SIRPA: variants seen among roughly 807,000 people sequenced by gnomAD.
SIRPA encodes the protein signal regulatory protein alpha, also known as tyrosine-protein phosphatase non-receptor type substrate 1.
In SIRPA, 9 loss-of-function variants were observed where a neutral mutation model predicts 50.3. That is an observed-to-expected ratio of 0.18 (90% CI 0.11 to 0.31). The LOEUF is 0.31. Ranked by LOEUF, SIRPA falls within the 10% of genes least tolerant of loss-of-function variation. SIRPA has a pLI of 1.00. For missense variants in SIRPA, 474 were observed against 661.6 expected (o/e 0.72, Z 3.11); for synonymous variants, 265 against 284.1 (o/e 0.93, Z 0.68).
At chr20:1,931,437 G>T (rs913045903) in intron 6 of SIRPA, among the ~76,000 whole-genome samples, 1 of 152,128 alleles carries the variant, frequency 6.6e-6, no homozygotes, top group African/African-American at 2.4e-5. Flanking sequence ...CATGCTTCTT[G>T]CTGTCTATTT....
Position 1,924,886 on chromosome 20 carries a change from A to G in SIRPA, c.1201+9A>G. 4 of 1,603,748 alleles carry G rather than the reference A, an allele frequency of 2.5e-6. No individual in the cohort carries two copies. Among genetic ancestry groups the G allele is most frequent in the East Asian group, 2.2e-5 (1 of 44,800 alleles). On this transcript the variant is annotated intron_variant, in intron 5 of 7. Transcript: ENST00000358771. This position sits in a 1 kb window ranked among gnomAD's most constrained non-coding sequence, Gnocchi z 4.5. ...AATCAGACAGAAGAAAGGTGGGTGC[A>G]TTCCCCTCTTCCTCCCTAAGGGTTT...
At chr20:1,923,687 C>T (rs535034637) in intron 4 of SIRPA, among the ~76,000 whole-genome samples, 1 of 146,320 alleles carries the variant, frequency 6.8e-6, no homozygotes, top group South Asian at 2.2e-4. Context: ...TTGGGCAATG[C>T]CAGGTTTTCA....
At chr20:1,907,712 T>TC (rs1330523657) in intron 1 of SIRPA, among the ~76,000 whole-genome samples, 13 of 152,334 alleles carry the variant, frequency 8.5e-5, no homozygotes, top group African/African-American at 2.6e-4. Context: ...TAAGATAGTC[T>TC]CAAGGGCAAG....
rs369004802 is a variant in SIRPA at position 1,927,928 on chromosome 20, T to C, written c.1226+29T>C. Reference sequence around the variant, plus strand: ...AGTGCATCATTGGTCCAGACCCTCTTGCAGTTATTATTTGGTTATTTGACA... The same window carrying C: ...AGTGCATCATTGGTCCAGACCCTCTCGCAGTTATTATTTGGTTATTTGACA... On this transcript the variant is annotated intron_variant, in intron 6 of 7. Coordinates refer to ENST00000358771, the MANE Select transcript of SIRPA (RefSeq NM_001040023.2). This position sits in a 1 kb window ranked among gnomAD's most constrained non-coding sequence, Gnocchi z 6.5. The C allele has an allele frequency of 6.2e-7, 1 of 1,605,316 alleles. No individual in the cohort carries two copies. Among genetic ancestry groups the C allele is most frequent in the African/African-American group, 1.3e-5 (1 of 74,776 alleles).
At chr20:1,894,756 CTCCCCCGGGGCGCGCAG>C (rs1394989318), upstream of SIRPA, 1 of 148,118 alleles carries the variant, frequency 6.8e-6, no homozygotes, top group Non-Finnish European at 1.5e-5. The surrounding 1 kb of genome is among the most constrained non-coding windows in gnomAD (Gnocchi z 4.0). Context: ...CCCTCGCTCC[CTCCCCCGGGGCGCGCAG>C]GCGGGCGCTC....
chr20:1,919,533 G>C (rs1018739166), intron 2 of SIRPA, among the ~76,000 whole-genome samples: 1 of 152,192 alleles, frequency 6.6e-6, no homozygotes, highest in African/African-American at 2.4e-5. Flanking sequence ...AGGGGCCCCA[G>C]ACAAAGCCCT....
intron 1 of SIRPA, among the ~76,000 whole-genome samples, chr20:1,900,458 A>G (rs1275466586): frequency 6.6e-6 from 1 of 152,070 alleles, no homozygotes; most frequent in Non-Finnish European, 1.5e-5. Flanking sequence ...AGAGTGATTT[A>G]ATTGCCTGTT....
chr20:1,935,704 T>C (rs995584121), intron 7 of SIRPA, among the ~76,000 whole-genome samples: 1 of 152,228 alleles, frequency 6.6e-6, no homozygotes, highest in Non-Finnish European at 1.5e-5. Context: ...GAATGGGTCA[T>C]GGAAACCTCT....
intron 1 of SIRPA, 45 bp from the exon 2 acceptor site, chr20:1,915,054 G>T: frequency 7.2e-7 from 1 of 1,389,128 alleles, no homozygotes. Flanking sequence ...AAACACAGAG[G>T]ATCACGTAAG....
rs1343470978 is a variant in SIRPA, at chr20:1,915,096, C to T, written c.80-3C>T. The T allele has an allele frequency of 1.2e-6, 2 of 1,606,848 alleles. No individual in the cohort carries two copies. The highest frequency in any genetic ancestry group is 8.5e-7 in the Non-Finnish European group (1 of 1,174,512). On this transcript the variant is annotated splice_polypyrimidine_tract_variant and splice_region_variant and intron_variant, in intron 1 of 7. Transcript: ENST00000358771. ...AAAATGACTGCTTTGTGCTCCTTTC[C>T]AGGAGTGGCGGGTGAGGAGGAGCTG...
At position 1,934,827 on chromosome 20, in the gene SIRPA, G is replaced by A; in HGVS notation, c.1266+73G>A. Reference sequence around the variant, plus strand: ...TTGCTTCACATCAACCGGAATTGCAGATCTGGTTCTAAATTAAGACTCCTT... The same window carrying A: ...TTGCTTCACATCAACCGGAATTGCAAATCTGGTTCTAAATTAAGACTCCTT... On this transcript the variant is annotated intron_variant, in intron 7 of 7. Coordinates refer to ENST00000358771, the MANE Select transcript of SIRPA (RefSeq NM_001040023.2). The surrounding 1 kb of genome is among the most constrained non-coding windows in gnomAD (Gnocchi z 4.6). 1 of 1,520,978 alleles carries A rather than the reference G, an allele frequency of 6.6e-7. No homozygotes were observed. The highest frequency in any genetic ancestry group is 1.7e-5 in the Admixed American group (1 of 59,740). 94.2% of individuals were successfully genotyped at this position (1,520,978 alleles called of 1,614,324 possible).
intron 1 of SIRPA, among the ~76,000 whole-genome samples, chr20:1,900,764 T>G (rs1193469581): frequency 6.6e-6 from 1 of 152,234 alleles, no homozygotes; most frequent in Admixed American, 6.5e-5. Flanking sequence ...GCCAGAAATC[T>G]GACAGGATCC....
At position 1,915,141 on chromosome 20, in the gene SIRPA, A is replaced by G. The variant is rs748264325; in HGVS notation, c.122A>G (p.Lys41Arg). 7 of 1,559,306 alleles carry G rather than the reference A, an allele frequency of 4.5e-6. No individual in the cohort carries two copies. The Admixed American group carries it at 7.0e-5, about 16-fold the overall frequency. ...GAGCTGCAGGTGATTCAGCCTGACA[A>G]GTCCGTGTTGGTTGCAGCTGGAGAG... ...EEELQVIQPD[K>R]SVLVAAGETA... The change falls in exon 2 of 8, where the codon AAG becomes AGG. Residue 41 changes from lysine to arginine, a missense_variant. Physicochemically the swap from Lys to Arg is conservative, Grantham distance 26 (BLOSUM62 2). Transcript: ENST00000358771.
chr20:1,927,784 C>T lies in SIRPA; in HGVS notation c.1202-91C>T. On this transcript the variant is annotated intron_variant, in intron 5 of 7. Coordinates refer to ENST00000358771, the MANE Select transcript of SIRPA (RefSeq NM_001040023.2). This position sits in a 1 kb window ranked among gnomAD's most constrained non-coding sequence, Gnocchi z 6.5. ...TGATTACAGCATTTCCTCTCCATGTCCCTGGAGGCAAACCTTTTGCCAAAA... is the reference window on the plus strand; with the variant it reads ...TGATTACAGCATTTCCTCTCCATGTTCCTGGAGGCAAACCTTTTGCCAAAA... 8.9e-7 allele frequency: 1 copy of T among 1,117,882 alleles called. No homozygotes were observed. The highest frequency in any genetic ancestry group is 1.2e-5 in the South Asian group (1 of 80,924). The allele number at this position is 1,117,882 out of a possible 1,614,324, so 69.2% of individuals were successfully genotyped here. A position where few individuals can be genotyped will look rare whatever the true frequency, so the allele number is the denominator to read the frequency against.
rs201744696 is a variant in SIRPA at position 1,932,056 on chromosome 20, T to A, written c.1227-2659T>A. On this transcript the variant is annotated intron_variant, in intron 6 of 7. Coordinates refer to ENST00000358771, the MANE Select transcript of SIRPA (RefSeq NM_001040023.2). This position sits in a 1 kb window ranked among gnomAD's most constrained non-coding sequence, Gnocchi z 6.0. ...GCACTTAAGAGCCAGTGAGAAAGAT[T>A]CATTCATTCATTCATTCATTCATTC... 5.8e-5 allele frequency among the ~76,000 whole-genome samples: 7 copies of A among 120,260 alleles called. No homozygotes were observed. The highest frequency in any genetic ancestry group is 1.0e-4 in the Non-Finnish European group (6 of 57,876). The allele number at this position is 120,260 out of a possible 152,430, so 78.9% of individuals were successfully genotyped here.
chr20:1,937,046 G>A lies in SIRPA; in HGVS notation c.1267-274G>A, dbSNP rs555365779. ...GTTCAGGCTAGGAGGAGGCAGGAAC[G>A]GGAGGAGGTGACACTGAGGCGGGGC... On this transcript the variant is annotated intron_variant, in intron 7 of 7. Transcript: ENST00000358771. This position sits in a 1 kb window ranked among gnomAD's most constrained non-coding sequence, Gnocchi z 8.3. Among the ~76,000 whole-genome samples the A allele has an allele frequency of 1.3e-5, 2 of 152,258 alleles. No homozygotes were observed. Among genetic ancestry groups the A allele is most frequent in the Admixed American group, 6.5e-5 (1 of 15,306 alleles).
chr20:1,895,801 G>A (rs1331994401), intron 1 of SIRPA, among the ~76,000 whole-genome samples: 1 of 152,232 alleles, frequency 6.6e-6, no homozygotes, highest in African/African-American at 2.4e-5. Context: ...CAAAAGAGCC[G>A]AGTTGCTTCA....
intron 2 of SIRPA, among the ~76,000 whole-genome samples, chr20:1,918,647 C>T (rs918540052): frequency 1.6e-4 from 24 of 151,952 alleles, no homozygotes; most frequent in African/African-American, 4.4e-4. Context: ...GAGCCTGGGG[C>T]GACGATAGAC....
chr20:1,903,744 T>C (rs1984378707), intron 1 of SIRPA, among the ~76,000 whole-genome samples: 1 of 152,164 alleles, frequency 6.6e-6, no homozygotes, highest in Non-Finnish European at 1.5e-5. Flanking sequence ...TTCCTTTGGG[T>C]CTCAGCTGCC....
Sources: allele counts gnomAD v4.1 joint callset (sites outside exome capture counted in the v4.1 genomes callset), GRCh38; gene constraint gnomAD v4.1.1; non-coding constraint Gnocchi (gnomAD v3.1); transcripts MANE v1.5; gene names NCBI Gene and HGNC (gene_info 2026-07-23, HGNC 2026-07-21).